HOMER2: variants seen among roughly 807,000 people sequenced by gnomAD.
HOMER2 encodes the protein homer scaffold protein 2, also known as homer protein homolog 2.
In HOMER2, 27 loss-of-function variants were observed where a neutral mutation model predicts 47.0. The observed-to-expected ratio is 0.57, with a 90% confidence interval of 0.42 to 0.79. The LOEUF (loss-of-function observed/expected upper bound fraction) is 0.79. HOMER2 is among the 30% of genes least tolerant of loss of function. The probability of loss-of-function intolerance (pLI) is 0.00; values close to 1 mark genes in which losing one functional copy is unlikely to be tolerated. For missense variants in HOMER2, 443 were observed against 435.0 expected (o/e 1.02, Z -0.16); for synonymous variants, 161 against 163.8 (o/e 0.98, Z 0.13).
Position 82,862,070 on chromosome 15 carries a change from CTTT to C in HOMER2, c.387+2094_387+2096del, listed in dbSNP as rs57065775. Among the ~76,000 whole-genome samples the C allele has an allele frequency of 7.5e-5, 11 of 146,008 alleles. No individual in the cohort carries two copies. The East Asian group carries it at 9.9e-4, about 13-fold the overall frequency. ...AAAAACAAAAATAGTCTTTCTCTCT[CTTT>C]TTTTTTTTTTAATAGAGATGGGGTT... On this transcript the variant is annotated intron_variant, in intron 4 of 8. Coordinates refer to ENST00000450735, the MANE Select transcript of HOMER2 (RefSeq NM_004839.4).
chr15:82,848,749 C>A (rs1367752859), downstream of HOMER2, among the ~76,000 whole-genome samples: 1 of 152,228 alleles, frequency 6.6e-6, no homozygotes, highest in Non-Finnish European at 1.5e-5. Context: ...ATTCGAGGGT[C>A]TGGAGAGCCC....
intron 1 of HOMER2, among the ~76,000 whole-genome samples, chr15:82,907,917 T>C (rs991970407): frequency 1.3e-5 from 2 of 152,026 alleles, no homozygotes; most frequent in Non-Finnish European, 2.9e-5. Flanking sequence ...TATTTGGCAA[T>C]AAAAAAGAAA....
At position 82,889,615 on chromosome 15, in the gene HOMER2, C is replaced by T. The variant is rs969079383; in HGVS notation, c.162+3070G>A. On this transcript the variant is annotated intron_variant, in intron 2 of 8. Coordinates refer to ENST00000450735, the MANE Select transcript of HOMER2 (RefSeq NM_004839.4). ...TCCATCTGGAGTATTCAGGCAGGAT[C>T]GAGATTGGGCTCAGGGAGATGAGGA... Among the ~76,000 whole-genome samples, 7 of 152,084 alleles carry T rather than the reference C, an allele frequency of 4.6e-5. No homozygotes were observed. The South Asian group carries it at 6.2e-4, about 14-fold the overall frequency.
At chr15:82,985,900 C>T, upstream of HOMER2, 1 of 205,456 alleles carries the variant, frequency 4.9e-6, no homozygotes, top group Non-Finnish European at 8.6e-6. Context: ...CGGGAGCAGG[C>T]GGCCGGAAGG....
chr15:82,935,011 A>G (rs2054111184), intron 1 of HOMER2, among the ~76,000 whole-genome samples: 1 of 151,956 alleles, frequency 6.6e-6, no homozygotes, highest in Non-Finnish European at 1.5e-5. Context: ...CATCTCTGTC[A>G]TGGTGGCCTC....
chr15:82,898,464 C>T (rs558538586), intron 1 of HOMER2: 1 of 152,168 alleles, frequency 6.6e-6, no homozygotes, highest in African/African-American at 2.4e-5. Context: ...ACTCCCATTC[C>T]TTCTTCAGTG....
chr15:82,950,986 T>C (rs906632768), intron 1 of HOMER2, among the ~76,000 whole-genome samples: 4 of 152,182 alleles, frequency 2.6e-5, no homozygotes, highest in Non-Finnish European at 4.4e-5. Flanking sequence ...GGATCCCTTT[T>C]ATCTTCCATT....
intron 1 of HOMER2, among the ~76,000 whole-genome samples, chr15:82,968,896 G>T (rs915799795): frequency 6.6e-6 from 1 of 152,200 alleles, no homozygotes; most frequent in African/African-American, 2.4e-5. Flanking sequence ...GAAAAAAAGA[G>T]ATCTAAGGTA....
chr15:82,952,842 G>T (rs2054540048), upstream of HOMER2: 2 of 375,978 alleles, frequency 5.3e-6, no homozygotes, highest in African/African-American at 2.2e-5. Context: ...GAGCCAAGAG[G>T]CGGGGGGCGC....
chr15:82,984,189 C>G (rs572130628), intron 1 of HOMER2, among the ~76,000 whole-genome samples: 1 of 152,136 alleles, frequency 6.6e-6, no homozygotes, highest in South Asian at 2.1e-4. Context: ...CCGGCCACCA[C>G]GCCCAGCTAA....
intron 1 of HOMER2, among the ~76,000 whole-genome samples, chr15:82,970,295 GAGA>G (rs938368813): frequency 1.3e-5 from 2 of 152,224 alleles, no homozygotes; most frequent in African/African-American, 4.8e-5. Flanking sequence ...GAGGGCCCAA[GAGA>G]AGGAGAGGCC....
At chr15:82,871,242 A>G (rs913147813) in intron 3 of HOMER2, among the ~76,000 whole-genome samples, 1 of 152,226 alleles carries the variant, frequency 6.6e-6, no homozygotes, top group Non-Finnish European at 1.5e-5. Context: ...CTTATAATGG[A>G]GCAGTTAAGA....
intron 1 of HOMER2, among the ~76,000 whole-genome samples, chr15:82,943,414 T>C (rs1291872284): frequency 6.6e-6 from 1 of 152,160 alleles, no homozygotes; most frequent in Non-Finnish European, 1.5e-5. Context: ...CTCTTCCTCA[T>C]ACCAAGTGAG....
intron 1 of HOMER2, among the ~76,000 whole-genome samples, chr15:82,983,780 C>T (rs1042951462): frequency 1.3e-5 from 2 of 151,130 alleles, no homozygotes; most frequent in Non-Finnish European, 2.9e-5. Flanking sequence ...TTAGTAGAGA[C>T]AGGATTTCAC....
chr15:82,924,246 G>A (rs1293329848), intron 1 of HOMER2, among the ~76,000 whole-genome samples: 1 of 152,100 alleles, frequency 6.6e-6, no homozygotes, highest in East Asian at 1.9e-4. Flanking sequence ...GTGGGGCTAT[G>A]GTACTGGATC....
At chr15:82,841,047 T>G (rs1029789545) in exon 2 of HOMER2, 1 of 152,022 alleles carries the variant, frequency 6.6e-6, no homozygotes, top group Non-Finnish European at 1.5e-5. Context: ...TATGAAAAAT[T>G]CCATAATAAA....
chr15:82,910,080 C>CTG (rs964422153), intron 1 of HOMER2, among the ~76,000 whole-genome samples: 5 of 126,296 alleles, frequency 4.0e-5, no homozygotes, highest in African/African-American at 1.6e-4. Flanking sequence ...TTGCAGTAAG[C>CTG]TGAGATCATG....
downstream of HOMER2, chr15:82,845,034 CAAAG>C (rs901253184): frequency 6.6e-5 from 10 of 152,134 alleles, no homozygotes; most frequent in Admixed American, 5.9e-4. Context: ...TCTGCACCGT[CAAAG>C]AGAGTAGGGC....
intron 6 of HOMER2, chr15:82,852,593 A>C: frequency 4.4e-6 from 1 of 229,834 alleles, no homozygotes; most frequent in Non-Finnish European, 8.4e-6. Context: ...GATCCATCAC[A>C]AGCAAGGGCC....
Sources: allele counts gnomAD v4.1 joint callset (sites outside exome capture counted in the v4.1 genomes callset), GRCh38; gene constraint gnomAD v4.1.1; transcripts MANE v1.5; gene names NCBI Gene and HGNC (gene_info 2026-07-23, HGNC 2026-07-21).